KIR3DL1: variants seen among roughly 807,000 people sequenced by gnomAD.
The protein encoded by KIR3DL1 is killer cell immunoglobulin like receptor, three Ig domains and long cytoplasmic tail 1.
KIR3DL1 carries 50 observed loss-of-function variants against 40.3 expected under a neutral mutation model. That is an observed-to-expected ratio of 1.24 (90% CI 0.99 to 1.57). The LOEUF (loss-of-function observed/expected upper bound fraction) is 1.57. Among genes scored for constraint, KIR3DL1 ranks in the 40% most tolerant of loss-of-function variants. The probability of loss-of-function intolerance (pLI) is 0.00; values close to 1 mark genes in which losing one functional copy is unlikely to be tolerated. For synonymous variants in KIR3DL1, 257 were observed against 207.2 expected, an observed-to-expected ratio of 1.24 and a Z score of -2.07; for missense variants, 661 against 559.9, an observed-to-expected ratio of 1.18 and a Z score of -1.82.
rs543284742 is a variant in KIR3DL1, at chr19:54,825,273, G to A, written c.1000+195G>A. Among the ~76,000 whole-genome samples, 395 of 150,148 alleles carry A rather than the reference G, an allele frequency of 2.6e-3. 25 individuals are homozygous for A. The highest frequency in any genetic ancestry group is 9.6e-3 in the African/African-American group (384 of 39,950). ...TCAGCGAAGTCTCTTAACCTTTAAT[G>A]TCCTGCAGGTGAGACCTCCTACAAG... On this transcript the variant is annotated intron_variant, in intron 6 of 8. Transcript: ENST00000391728.
At chr19:54,830,542 A>C in exon 9 of KIR3DL1, 1 of 481,616 alleles carries the variant, frequency 2.1e-6, no homozygotes, top group Non-Finnish European at 3.7e-6. Flanking sequence ...TCTCCAACCT[A>C]ACTGGCTTAC....
chr19:54,818,646 C>T (rs995790562), intron 3 of KIR3DL1, 47 bp downstream of exon 3: 1 of 1,577,918 alleles, frequency 6.3e-7, no homozygotes, highest in East Asian at 2.2e-5. Context: ...CCTCCTGAAT[C>T]CCAGAGCTTC....
At chr19:54,819,053 G>C (rs1266126273) in intron 3 of KIR3DL1, among the ~76,000 whole-genome samples, 1 of 151,174 alleles carries the variant, frequency 6.6e-6, no homozygotes, top group Non-Finnish European at 1.5e-5. Context: ...GGCCTCTAAG[G>C]GCTGGAGAAG....
chr19:54,819,837 C>A, exon 4 of KIR3DL1: 1 of 1,611,986 alleles, frequency 6.2e-7, no homozygotes, highest in Non-Finnish European at 8.5e-7. Context: ...AAGAGGGGAT[C>A]TCTAAGGACC....
intron 5 of KIR3DL1, among the ~76,000 whole-genome samples, chr19:54,824,767 C>A (rs1481821686): frequency 6.7e-6 from 1 of 149,702 alleles, no homozygotes; most frequent in African/African-American, 2.5e-5. Flanking sequence ...TTTCTTTATG[C>A]CAATGTCATG....
At chr19:54,820,141 G>C in intron 4 of KIR3DL1, 129 bp downstream of exon 4, 1 of 989,568 alleles carries the variant, frequency 1.0e-6, no homozygotes, top group Admixed American at 2.1e-5. Flanking sequence ...GACTTGGTGA[G>C]GTCTGTACCA....
At chr19:54,821,694 A>G in exon 5 of KIR3DL1, 1 of 1,609,630 alleles carries the variant, frequency 6.2e-7, no homozygotes, top group Non-Finnish European at 8.5e-7. Flanking sequence ...GGGGGAGCCC[A>G]TGAACGTAGG....
chr19:54,818,998 C>T (rs368131663), intron 3 of KIR3DL1, among the ~76,000 whole-genome samples: 86 of 146,130 alleles, frequency 5.9e-4, no homozygotes, highest in African/African-American at 9.3e-4. Context: ...TCAGCCACTG[C>T]GGGCTTTGAA....
At chr19:54,819,579 G>A (rs1376467151) in intron 3 of KIR3DL1, 134 bp from the exon 4 acceptor site, 1 of 1,095,774 alleles carries the variant, frequency 9.1e-7, no homozygotes, top group South Asian at 1.5e-5. Context: ...GGGGATATGG[G>A]CACAGAAAAG....
Position 54,829,980 on chromosome 19 carries a change from G to A in KIR3DL1, c.1158G>A (p.Glu386=). Reference sequence around the variant, plus strand: ...CAGGGAACAGAACAGCCAACAGCGAGGTAGGTGCTCCTCGGCCCAGCCTCG... The same window carrying A: ...CAGGGAACAGAACAGCCAACAGCGAAGTAGGTGCTCCTCGGCCCAGCCTCG... The change falls in exon 8 of 9, where the codon GAG becomes GAA. Residue 386 remains glutamate, a splice_region_variant and synonymous_variant. Coordinates refer to ENST00000391728, the Ensembl canonical transcript of KIR3DL1. 1.3e-6 allele frequency: 2 copies of A among 1,528,860 alleles called. 1 individual carries two copies. The highest frequency in any genetic ancestry group is 1.8e-6 in the Non-Finnish European group (2 of 1,125,306). The allele number at this position is 1,528,860 out of a possible 1,614,324, so 94.7% of individuals were successfully genotyped here.
chr19:54,823,478 T>TTTTAC (rs2061736973), intron 5 of KIR3DL1, among the ~76,000 whole-genome samples: 1 of 151,158 alleles, frequency 6.6e-6, no homozygotes, highest in South Asian at 2.1e-4. Flanking sequence ...GTAAAAGCCA[T>TTTTAC]TTTACTTTAC....
intron 5 of KIR3DL1, among the ~76,000 whole-genome samples, chr19:54,823,016 C>T (rs597500): frequency 0.19 from 27,693 of 147,434 alleles, 3,012 homozygotes; most frequent in South Asian, 0.32. Context: ...AATTGCTGGA[C>T]ACTATGAAAG....
chr19:54,819,937 A>T lies in KIR3DL1; in HGVS notation c.580A>T (p.Arg194Ter), dbSNP rs748872033. 2 of 1,612,024 alleles carry T rather than the reference A, an allele frequency of 1.2e-6. No homozygotes were observed. Among genetic ancestry groups the T allele is most frequent in the Non-Finnish European group, 1.7e-6 (2 of 1,179,468 alleles). Residue 194 changes from arginine to a stop codon, truncating the protein, a stop_gained, in exon 4 of 9, where the codon AGA (arginine) becomes TGA (stop). Transcript: ENST00000391728. LOFTEE classifies it high-confidence loss of function. ...GATGCTTGCCCTTGCAGGGACCTAC[A>T]GATGCTACGGTTCTGTTACTCACAC... is the stretch of plus-strand genomic sequence containing the variant.
rs1453654384 is a variant in KIR3DL1 at position 54,826,365 on chromosome 19, AG to A, written c.1000+1288del. Reference sequence around the variant, plus strand: ...AGTCTCCCTCTGTCTTCCAGGCTACAGTGCAGTGTCACGATCTTGGCTCACT... The same window carrying A: ...AGTCTCCCTCTGTCTTCCAGGCTACATGCAGTGTCACGATCTTGGCTCACT... On this transcript the variant is annotated intron_variant, in intron 6 of 8. Coordinates refer to ENST00000391728, the Ensembl canonical transcript of KIR3DL1. Among the ~76,000 whole-genome samples the A allele has an allele frequency of 6.0e-5, 9 of 150,130 alleles. 1 individual carries two copies. The highest frequency in any genetic ancestry group is 1.3e-4 in the Admixed American group (2 of 15,116).
chr19:54,819,733 C>A (rs2061532556), exon 4 of KIR3DL1: 1 of 1,609,218 alleles, frequency 6.2e-7, no homozygotes, highest in South Asian at 1.1e-5. Context: ...AAAACCTTCC[C>A]TCCTGGCCCA....
intron 6 of KIR3DL1, among the ~76,000 whole-genome samples, chr19:54,827,428 A>G (rs1231601997): frequency 2.8e-5 from 4 of 142,674 alleles, no homozygotes; most frequent in African/African-American, 7.9e-5. Flanking sequence ...CTATCTCTAC[A>G]TGGTGAAACC....
chr19:54,824,938 A>T (rs1296408117), intron 5 of KIR3DL1, 90 bp from the exon 6 acceptor site: 3 of 977,154 alleles, frequency 3.1e-6, no homozygotes, highest in Non-Finnish European at 1.6e-6. Context: ...TAGATAACAG[A>T]GTGTTGGCCA....
chr19:54,821,963 C>G, intron 5 of KIR3DL1, 105 bp downstream of exon 5: 1 of 1,373,470 alleles, frequency 7.3e-7, no homozygotes, highest in East Asian at 2.3e-5. Context: ...AGAGAGAAGA[C>G]ACAGCAGGTG....
intron 6 of KIR3DL1, among the ~76,000 whole-genome samples, chr19:54,828,504 T>A (rs2148194712): frequency 6.6e-6 from 1 of 151,190 alleles, no homozygotes; most frequent in South Asian, 2.1e-4. Flanking sequence ...CATTTCAATG[T>A]GAGCCAGTTC....
Sources: allele counts gnomAD v4.1 joint callset (sites outside exome capture counted in the v4.1 genomes callset), GRCh38; gene constraint gnomAD v4.1.1; transcripts MANE v1.5; gene names NCBI Gene and HGNC (gene_info 2026-07-23, HGNC 2026-07-21).